The following NCEH1 variants were observed in gnomAD, a reference collection of about 807,000 sequenced individuals.
The protein encoded by NCEH1 is neutral cholesterol ester hydrolase 1, also known as 2-acetyl MAGE hydrolase.
In NCEH1, 9 loss-of-function variants were observed where a neutral mutation model predicts 25.4. The ratio of observed to expected loss-of-function variants is 0.35; its 90% CI spans 0.21 to 0.62. The LOEUF (loss-of-function observed/expected upper bound fraction) is 0.62, where lower values mean the gene tolerates loss of function less well. Among genes scored for constraint, NCEH1 ranks in the 20% least tolerant of loss-of-function variants. The pLI is 0.72. For synonymous variants in NCEH1, 200 were observed against 199.8 expected (o/e 1.00, Z -0.01); for missense variants, 412 against 501.1 (o/e 0.82, Z 1.70).
chr3:172,681,505 C>T (rs949118695), intron 1 of NCEH1, among the ~76,000 whole-genome samples: 2 of 151,888 alleles, frequency 1.3e-5, no homozygotes, highest in South Asian at 2.1e-4. Flanking sequence ...CAAATTGAGG[C>T]CTTTAAAGGA....
At chr3:172,679,250 A>C (rs541450651) in intron 1 of NCEH1, among the ~76,000 whole-genome samples, 1 of 152,362 alleles carries the variant, frequency 6.6e-6, no homozygotes, top group South Asian at 2.1e-4. Flanking sequence ...CATGCCAGGG[A>C]AAATATTCAG....
intron 1 of NCEH1, among the ~76,000 whole-genome samples, chr3:172,650,468 C>G (rs576368039): frequency 6.7e-6 from 1 of 149,968 alleles, no homozygotes; most frequent in Non-Finnish European, 1.5e-5. Flanking sequence ...ATGGTGAAAC[C>G]CTGTCTCTAC....
chr3:172,696,946 C>T, intron 1 of NCEH1, among the ~76,000 whole-genome samples: 1 of 151,978 alleles, frequency 6.6e-6, no homozygotes, highest in East Asian at 1.9e-4. Flanking sequence ...CTTTTTTTGA[C>T]AGAGAGTCTC....
intron 3 of NCEH1, among the ~76,000 whole-genome samples, chr3:172,642,843 A>G (rs1716923217): frequency 6.6e-6 from 1 of 152,130 alleles, no homozygotes; most frequent in African/African-American, 2.4e-5. Context: ...TAGCATGCAC[A>G]CTCCAAGCCT....
intron 1 of NCEH1, among the ~76,000 whole-genome samples, chr3:172,690,852 T>C (rs1047357055): frequency 2.6e-5 from 4 of 152,096 alleles, no homozygotes; most frequent in Admixed American, 6.5e-5. Context: ...GGTGAGATTA[T>C]AGGTAATTTT....
intron 1 of NCEH1, among the ~76,000 whole-genome samples, chr3:172,658,497 T>A (rs1431959500): frequency 6.6e-6 from 1 of 152,216 alleles, no homozygotes; most frequent in Non-Finnish European, 1.5e-5. Context: ...CCTCTACACA[T>A]AGCAAAGTAT....
At chr3:172,649,129 G>T (rs234000) in intron 1 of NCEH1, among the ~76,000 whole-genome samples, 13,968 of 152,124 alleles carry the variant, frequency 0.092, 852 homozygotes, top group East Asian at 0.23. Context: ...CTTGAAGAGG[G>T]TCCGTGTGTG....
chr3:172,708,584 C>G (rs2108234165), intron 1 of NCEH1, among the ~76,000 whole-genome samples: 1 of 152,288 alleles, frequency 6.6e-6, no homozygotes, highest in Middle Eastern at 3.4e-3. Context: ...GTCTCGAACT[C>G]CTGACCTCGT....
At chr3:172,688,889 G>A (rs1160348899) in intron 1 of NCEH1, among the ~76,000 whole-genome samples, 1 of 152,140 alleles carries the variant, frequency 6.6e-6, no homozygotes, top group East Asian at 1.9e-4. Flanking sequence ...AAGCAGGGGT[G>A]GAAGCTGACA....
intron 1 of NCEH1, among the ~76,000 whole-genome samples, chr3:172,694,558 A>G (rs1174077117): frequency 6.6e-6 from 1 of 152,214 alleles, no homozygotes; most frequent in African/African-American, 2.4e-5. Flanking sequence ...AAGTCAAAAC[A>G]TCAGTTTTGG....
At position 172,631,576 on chromosome 3, in the gene NCEH1, C is replaced by T. The variant is rs1304229678; in HGVS notation, c.*1899G>A. The T allele has an allele frequency of 2.0e-5, 3 of 152,656 alleles. No individual in the cohort carries two copies. Among genetic ancestry groups the T allele is most frequent in the East Asian group, 1.9e-4 (1 of 5,186 alleles). The allele number at this position is 152,656 out of a possible 1,614,324, so 9.5% of individuals were successfully genotyped here. ...TCTTTGATTTTAGAGGGAGGAAAGA[C>T]GAGGCCCAGAGATGGGAAGTGGCTT... On this transcript the variant is annotated 3_prime_UTR_variant, in exon 5 of 5. Transcript: ENST00000475381.
chr3:172,699,855 C>T (rs1221028481), intron 1 of NCEH1, among the ~76,000 whole-genome samples: 2 of 152,092 alleles, frequency 1.3e-5, no homozygotes, highest in Admixed American at 1.3e-4. Flanking sequence ...CACAGACACC[C>T]TGTCTCAAAA....
intron 4 of NCEH1, among the ~76,000 whole-genome samples, chr3:172,635,111 G>A (rs1716542301): frequency 6.6e-6 from 1 of 152,198 alleles, no homozygotes; most frequent in Non-Finnish European, 1.5e-5. Context: ...TCCCAGTGCT[G>A]TCTGGCTTCA....
intron 3 of NCEH1, among the ~76,000 whole-genome samples, chr3:172,636,951 T>C (rs1716621927): frequency 6.6e-6 from 1 of 152,218 alleles, no homozygotes; most frequent in South Asian, 2.1e-4. Flanking sequence ...AAGCCTTAAC[T>C]GGAGGGTTTG....
chr3:172,683,626 C>T (rs928074341), intron 1 of NCEH1, among the ~76,000 whole-genome samples: 2 of 152,098 alleles, frequency 1.3e-5, no homozygotes, highest in East Asian at 1.9e-4. Flanking sequence ...TATAGTGAGC[C>T]GTAATCACGC....
intron 1 of NCEH1, among the ~76,000 whole-genome samples, chr3:172,671,390 A>G (rs978598820): frequency 1.3e-5 from 2 of 152,160 alleles, no homozygotes; most frequent in Non-Finnish European, 2.9e-5. Flanking sequence ...TTGATCCTCA[A>G]AAATGTGTGA....
intron 1 of NCEH1, among the ~76,000 whole-genome samples, chr3:172,650,488 A>C (rs1376310797): frequency 3.9e-5 from 2 of 51,782 alleles, no homozygotes; most frequent in African/African-American, 1.1e-4. Flanking sequence ...CTAAAAATAC[A>C]AAAAAAAAAA....
chr3:172,663,961 T>G (rs532865089), intron 1 of NCEH1, among the ~76,000 whole-genome samples: 3 of 152,348 alleles, frequency 2.0e-5, no homozygotes, highest in Non-Finnish European at 4.4e-5. Flanking sequence ...CATTTACATT[T>G]AAGGCTAATA....
intron 1 of NCEH1, among the ~76,000 whole-genome samples, chr3:172,672,910 A>G (rs1051195586): frequency 3.3e-5 from 5 of 152,204 alleles, no homozygotes; most frequent in Non-Finnish European, 7.3e-5. Context: ...CTGTCCCCAG[A>G]TATGGAGGTC....
Sources: gnomAD v4.1 joint callset for allele counts (sites outside exome capture counted in the v4.1 genomes callset) on GRCh38, gnomAD v4.1.1 for gene constraint, MANE v1.5 for transcripts, NCBI Gene and HGNC (gene_info 2026-07-23, HGNC 2026-07-21) for gene names.